Variants in ELFN2 observed in about 807,000 individuals in gnomAD.
ELFN2 encodes extracellular leucine rich repeat and fibronectin type III domain containing 2.
ELFN2 carries 17 observed loss-of-function variants against 45.5 expected under a neutral mutation model. The observed-to-expected ratio is 0.37, with a 90% CI of 0.26 to 0.56. The LOEUF is 0.56. Among genes scored for constraint, ELFN2 ranks in the 20% least tolerant of loss-of-function variants. The probability of loss-of-function intolerance (pLI) is 0.77; values close to 1 mark genes in which losing one functional copy is unlikely to be tolerated. For missense variants in ELFN2, 922 were observed against 1,183.2 expected (o/e 0.78, Z 3.24); for synonymous variants, 550 against 551.5 (o/e 1.00, Z 0.04).
intron 2 of ELFN2, among the ~76,000 whole-genome samples, chr22:37,399,787 C>T (rs1932318723): frequency 6.6e-6 from 1 of 152,154 alleles, no homozygotes; most frequent in Non-Finnish European, 1.5e-5. Context: ...CAAAATCTTC[C>T]CAGACTTCAC....
intron 1 of ELFN2, chr22:37,420,373 C>T (rs1334889369): frequency 6.6e-6 from 1 of 152,534 alleles, no homozygotes; most frequent in East Asian, 1.9e-4. Context: ...ATCGAGCCAC[C>T]GCTACGCGGC....
At chr22:37,365,953 C>T (rs946066691), downstream of ELFN2, among the ~76,000 whole-genome samples, 4 of 149,104 alleles carry the variant, frequency 2.7e-5, no homozygotes, top group South Asian at 2.1e-4. Context: ...TGAGCACTTA[C>T]GAATAAACTG....
intron 1 of ELFN2, among the ~76,000 whole-genome samples, chr22:37,349,388 G>C (rs1423682139): frequency 6.6e-6 from 1 of 151,188 alleles, no homozygotes; most frequent in African/African-American, 2.4e-5. Flanking sequence ...CAGATTCCCT[G>C]CACCTGCCCC....
intron 2 of ELFN2, among the ~76,000 whole-genome samples, chr22:37,390,866 G>A (rs1393941289): frequency 6.6e-6 from 1 of 152,208 alleles, no homozygotes; most frequent in South Asian, 2.1e-4. Context: ...CAGCCAGGCT[G>A]GCCCAGGGGG....
In ELFN2 at chr22:37,373,221, G is replaced by T; in HGVS notation, c.2314C>A (p.Arg772Ser). The T allele has an allele frequency of 6.2e-7, 1 of 1,613,818 alleles. No individual in the cohort carries two copies. The highest frequency in any genetic ancestry group is 1.1e-5 in the South Asian group (1 of 91,080). The stretch of plus-strand genomic sequence containing the variant: ...TGGTGCTTCTTGTAGGGCCGGAAGC[G>T]CTCCCAGATCTTGTGCGTGCTCTCG... The part of the protein sequence containing the change: ...SSESTHKIWE[R>S]FRPYKKHHRE... Residue 772 changes from arginine to serine, a missense_variant, in exon 3 of 3, where the codon CGC (arginine) becomes AGC (serine). Coordinates refer to ENST00000402918, the MANE Select transcript of ELFN2 (RefSeq NM_052906.5).
rs1018336754 is a variant in ELFN2, at chr22:37,368,326, C to T, written c.*4746G>A. 2.0e-5 allele frequency: 3 copies of T among 152,352 alleles called. No homozygotes were observed. The highest frequency in any genetic ancestry group is 7.2e-5 in the African/African-American group (3 of 41,454). 9.4% of individuals were successfully genotyped at this position (152,352 alleles called of 1,614,324 possible). On this transcript the variant is annotated 3_prime_UTR_variant, in exon 3 of 3. Transcript: ENST00000402918. ...AAGTGTGGCCGCCACTGCAGGAACT[C>T]CAAGCCCCTGTCCCAGCCCTGTGCT...
chr22:37,412,086 T>C (rs897527015), intron 2 of ELFN2, among the ~76,000 whole-genome samples: 1 of 151,930 alleles, frequency 6.6e-6, no homozygotes, highest in Admixed American at 6.6e-5. Context: ...CACTCAGGCC[T>C]GTAATCCCAG....
At chr22:37,381,743 C>T (rs13058686) in intron 2 of ELFN2, among the ~76,000 whole-genome samples, 15,434 of 152,012 alleles carry the variant, frequency 0.1, 1,265 homozygotes, top group Admixed American at 0.28. Flanking sequence ...CAGGGTCAGA[C>T]GTACAGCGGG....
chr22:37,367,450 C>T (rs142230851), downstream of ELFN2, among the ~76,000 whole-genome samples: 7 of 152,320 alleles, frequency 4.6e-5, no homozygotes, highest in African/African-American at 7.2e-5. Context: ...CCAGGCCAGG[C>T]GTGGAGGAGG....
intron 1 of ELFN2, among the ~76,000 whole-genome samples, chr22:37,352,710 G>C (rs1474107971): frequency 6.6e-6 from 1 of 150,886 alleles, no homozygotes; most frequent in Non-Finnish European, 1.5e-5. Flanking sequence ...CATGTGGCCA[G>C]TGTGGCTGGG....
At chr22:37,352,852 T>C (rs1211243016) in intron 1 of ELFN2, among the ~76,000 whole-genome samples, 1 of 150,922 alleles carries the variant, frequency 6.6e-6, no homozygotes, top group Non-Finnish European at 1.5e-5. Flanking sequence ...AAATGCACTC[T>C]GATGTTCGTT....
At chr22:37,412,456 T>C (rs1371010627) in intron 2 of ELFN2, among the ~76,000 whole-genome samples, 3 of 150,050 alleles carry the variant, frequency 2.0e-5, no homozygotes, top group African/African-American at 7.4e-5. Context: ...GACTCCCTCC[T>C]CCAGCACCTC....
At chr22:37,349,995 T>C (rs1473848216) in intron 1 of ELFN2, among the ~76,000 whole-genome samples, 8 of 149,630 alleles carry the variant, frequency 5.3e-5, no homozygotes, top group Non-Finnish European at 7.5e-5. Context: ...CAGTGAGGAG[T>C]GGTGCGCGCC....
rs1227878216 is a variant in ELFN2 at position 37,375,139 on chromosome 22, G to C, written c.396C>G (p.Leu132=). The change falls in exon 3 of 3, where the codon CTC becomes CTG. Residue 132 remains leucine, a synonymous_variant. Transcript: ENST00000402918. ...CCTCGATGAGGTTGTGCTGGACAAA[G>C]AGGAACTGCAGGCGGCTCATGCCTC... ...MLRGMSRLQF[L]FVQHNLIEVV... The C allele has an allele frequency of 1.3e-5, 21 of 1,614,022 alleles. No homozygotes were observed. The highest frequency in any genetic ancestry group is 1.8e-5 in the Non-Finnish European group (21 of 1,180,024).
At chr22:37,378,055 G>A (rs1931632366) in intron 2 of ELFN2, among the ~76,000 whole-genome samples, 1 of 152,182 alleles carries the variant, frequency 6.6e-6, no homozygotes, top group Admixed American at 6.5e-5. Context: ...TTCCTCATCG[G>A]GGAATGTCTG....
chr22:37,424,683 G>T lies in ELFN2; in HGVS notation c.-614+2615C>A, dbSNP rs201606267. 3.2e-4 allele frequency among the ~76,000 whole-genome samples: 49 copies of T among 151,380 alleles called. 1 individual carries two copies. Among genetic ancestry groups the T allele is most frequent in the Admixed American group, 1.0e-3 (16 of 15,262 alleles). ...TCCCTGTAGCCACTGAGGGCGGCGG[G>T]GGGGGGGATGGAATTCACATTAAAT... On this transcript the variant is annotated intron_variant, in intron 1 of 2. Coordinates refer to ENST00000402918, the MANE Select transcript of ELFN2 (RefSeq NM_052906.5).
intron 1 of ELFN2, among the ~76,000 whole-genome samples, chr22:37,358,256 C>T (rs956591148): frequency 9.9e-5 from 15 of 152,066 alleles, no homozygotes; most frequent in African/African-American, 3.6e-4. Context: ...AAGTTCAAAT[C>T]CCCCCCAGTC....
At chr22:37,378,838 C>T (rs1246031950) in intron 2 of ELFN2, among the ~76,000 whole-genome samples, 3 of 152,252 alleles carry the variant, frequency 2.0e-5, no homozygotes, top group African/African-American at 7.2e-5. Flanking sequence ...GCAGAGAAGG[C>T]GCTGACAGCA....
chr22:37,373,699 G>C lies in ELFN2; in HGVS notation c.1836C>G (p.His612Gln). 6.4e-7 allele frequency: 1 copy of C among 1,559,286 alleles called. No homozygotes were observed. The stretch of plus-strand genomic sequence containing the variant: ...CGGCGCTCAGCTGGCGCTGTAGTGG[G>C]TGGTGGGAGCTCTCCTTGTAGGGAG... Reference protein sequence around the residue: ...LSPPYKESSHHPLQRQLSADA... With the variant: ...LSPPYKESSHQPLQRQLSADA... The change falls in exon 3 of 3, where the codon CAC becomes CAG. Residue 612 changes from histidine to glutamine, a missense_variant. Physicochemically the swap from His to Gln is conservative, Grantham distance 24 (BLOSUM62 0). Transcript: ENST00000402918.
Sources: allele counts gnomAD v4.1 joint callset (sites outside exome capture counted in the v4.1 genomes callset), GRCh38; gene constraint gnomAD v4.1.1; transcripts MANE v1.5; gene names NCBI Gene and HGNC (gene_info 2026-07-23, HGNC 2026-07-21).